Variants in PIGQ observed in about 807,000 individuals in gnomAD.
The protein encoded by PIGQ is phosphatidylinositol glycan anchor biosynthesis class Q, also known as phosphatidylinositol N-acetylglucosaminyltransferase subunit Q.
In PIGQ, 54 loss-of-function variants were observed where a neutral mutation model predicts 60.3. That is an observed-to-expected ratio of 0.90 (90% CI 0.72 to 1.12). PIGQ has a LOEUF of 1.12. Among genes scored for constraint, PIGQ ranks in the 50% most tolerant of loss-of-function variants. PIGQ has a pLI of 0.00. For missense variants in PIGQ, 799 were observed against 793.5 expected, an observed-to-expected ratio of 1.01 and a Z score of -0.08; for synonymous variants, 416 against 363.7, an observed-to-expected ratio of 1.14 and a Z score of -1.64.
intron 6 of PIGQ, 42 bp downstream of exon 6, chr16:578,980 G>A (rs1220207545): frequency 6.3e-7 from 1 of 1,590,008 alleles, no homozygotes; most frequent in Non-Finnish European, 8.6e-7. Flanking sequence ...CCTGGGAGGT[G>A]CAGAGGCTCC....
chr16:572,555 C>T (rs1214755051), intron 1 of PIGQ: 1 of 451,520 alleles, frequency 2.2e-6, no homozygotes, highest in Admixed American at 2.4e-5. Flanking sequence ...TGCTCTGTTC[C>T]CTCGTCCCTA....
chr16:580,705 G>A, intron 8 of PIGQ, 153 bp from the exon 9 acceptor site: 1 of 659,954 alleles, frequency 1.5e-6, no homozygotes, highest in South Asian at 1.7e-5. Flanking sequence ...AAGGCCCAAT[G>A]GCAGACTCCG....
intron 2 of PIGQ, among the ~76,000 whole-genome samples, chr16:575,378 C>T (rs1172272175): frequency 1.3e-5 from 2 of 152,190 alleles, no homozygotes; most frequent in Non-Finnish European, 2.9e-5. Context: ...ATCTGCCTGG[C>T]GGAGGTGCCC....
At chr16:577,947 G>A (rs373853070) in intron 4 of PIGQ, 5 of 165,960 alleles carry the variant, frequency 3.0e-5, no homozygotes, top group South Asian at 1.4e-4. Context: ...CAGCCTCTGC[G>A]ATGGGGTGGG....
At chr16:572,521 C>G (rs902506180) in intron 1 of PIGQ, 6 of 456,086 alleles carry the variant, frequency 1.3e-5, no homozygotes, top group Non-Finnish European at 2.6e-5. Flanking sequence ...ACTTACAGGT[C>G]ACACCACCCC....
At chr16:580,659 G>A in intron 8 of PIGQ, 199 bp from the exon 9 acceptor site, 1 of 602,184 alleles carries the variant, frequency 1.7e-6, no homozygotes, top group Non-Finnish European at 3.0e-6. Flanking sequence ...CCTGGTGAGA[G>A]GGCCGGGTGC....
chr16:582,225 T>A (rs4006748), intron 9 of PIGQ, 23 bp from the exon 10 acceptor site: 5 of 1,563,848 alleles, frequency 3.2e-6, no homozygotes, highest in Non-Finnish European at 4.4e-6. Flanking sequence ...CGTCCCCTCG[T>A]CAGCCGCTTG....
chr16:578,582 C>T, intron 5 of PIGQ, 77 bp downstream of exon 5: 3 of 1,511,354 alleles, frequency 2.0e-6, no homozygotes, highest in Non-Finnish European at 1.8e-6. Context: ...AGACCCCGCC[C>T]CCTGTGCCCC....
Position 583,861 on chromosome 16 carries a change from A to C in PIGQ, c.*826A>C, listed in dbSNP as rs1468055807. Reference sequence around the variant, plus strand: ...CCCCAGGAGTGTGAGTGGCCTGGGGAGGGGGCCGTGGCACTGAGGCCGAAA... The same window carrying C: ...CCCCAGGAGTGTGAGTGGCCTGGGGCGGGGGCCGTGGCACTGAGGCCGAAA... On this transcript the variant is annotated 3_prime_UTR_variant, in exon 11 of 11. Coordinates refer to ENST00000321878, the MANE Select transcript of PIGQ (RefSeq NM_004204.5). 1.3e-5 allele frequency: 8 copies of C among 609,756 alleles called. No individual in the cohort carries two copies. The highest frequency in any genetic ancestry group is 2.4e-5 in the Non-Finnish European group (8 of 337,964). The allele number at this position is 609,756 out of a possible 1,614,324, so 37.8% of individuals were successfully genotyped here.
At position 574,407 on chromosome 16, in the gene PIGQ, C is replaced by T. The variant is rs753882585; in HGVS notation, c.333C>T (p.His111=). Residue 111 remains histidine (H), a synonymous_variant, in exon 2 of 11, where the codon CAC becomes CAT. Transcript: ENST00000321878. ...GGTFWSCEAT[H]RQAPTAPGAP... ...CGTTCTGGAGCTGCGAGGCCACCCACCGGCAAGCGCCCACTGCCCCCGGTG... is the reference window on the plus strand; with the variant it reads ...CGTTCTGGAGCTGCGAGGCCACCCATCGGCAAGCGCCCACTGCCCCCGGTG... 1.2e-6 allele frequency: 2 copies of T among 1,610,650 alleles called. No homozygotes were observed. The highest frequency in any genetic ancestry group is 2.2e-5 in the South Asian group (2 of 90,638).
intron 1 of PIGQ, among the ~76,000 whole-genome samples, chr16:571,203 GGCTAGCC>G: frequency 9.4e-6 from 1 of 106,422 alleles, no homozygotes; most frequent in African/African-American, 3.5e-5. Context: ...GTGTGTGTCT[GGCTAGCC>G]TGTGTGTGTC....
chr16:581,005 G>A (rs1231783007), intron 9 of PIGQ, 33 bp downstream of exon 9: 1 of 1,442,640 alleles, frequency 6.9e-7, no homozygotes, highest in Non-Finnish European at 9.8e-7. Context: ...CTGGCCCTGG[G>A]TAGGTGGAGG....
chr16:578,098 A>C, intron 4 of PIGQ: 1 of 340,714 alleles, frequency 2.9e-6, no homozygotes, highest in South Asian at 4.0e-5. Context: ...AGAGGGGAGG[A>C]AGATGGTAGA....
chr16:577,213 A>G (rs1435312107), intron 4 of PIGQ: 1 of 152,226 alleles, frequency 6.6e-6, no homozygotes, highest in Non-Finnish European at 1.5e-5. Context: ...TATTTAATTT[A>G]AAAATGAAAG....
In PIGQ at chr16:583,568, C is replaced by G. The variant is rs560628088; in HGVS notation, c.*533C>G. 6.2e-7 allele frequency: 1 copy of G among 1,612,598 alleles called. No individual in the cohort carries two copies. Among genetic ancestry groups the G allele is most frequent in the Non-Finnish European group, 8.5e-7 (1 of 1,179,744 alleles). On this transcript the variant is annotated 3_prime_UTR_variant, in exon 11 of 11. Coordinates refer to ENST00000321878, the MANE Select transcript of PIGQ (RefSeq NM_004204.5). ...CGCTGACCCCCGTCCCCAGCGGGCC[C>G]GGGCCCTCACTCCCTGAACCACACG...
At chr16:580,561 G>T in intron 8 of PIGQ, 3 of 553,204 alleles carry the variant, frequency 5.4e-6, no homozygotes, top group Non-Finnish European at 9.7e-6. Context: ...GGCAGACAGT[G>T]GGAGGTGAGC....
At chr16:576,413 C>G (rs2035719810) in intron 4 of PIGQ, 159 bp downstream of exon 4, 6 of 888,034 alleles carry the variant, frequency 6.8e-6, no homozygotes, top group African/African-American at 1.7e-5. Flanking sequence ...AGCAGGAACT[C>G]CAGGGGCGCT....
rs2035693123 is a variant in PIGQ, at chr16:574,771, T to C, written c.689+8T>C. 6.5e-7 allele frequency: 1 copy of C among 1,546,208 alleles called. No individual in the cohort carries two copies. The highest frequency in any genetic ancestry group is 1.4e-5 in the African/African-American group (1 of 73,452). On this transcript the variant is annotated splice_region_variant and intron_variant, in intron 2 of 10. Transcript: ENST00000321878. Reference sequence around the variant, plus strand: ...AGCTGTCAGTGCCTGCCGGTAGGTGTCCCGGGACAGGCAGGTGGCAAAGAG... The same window carrying C: ...AGCTGTCAGTGCCTGCCGGTAGGTGCCCCGGGACAGGCAGGTGGCAAAGAG...
At chr16:576,605 C>T in intron 4 of PIGQ, 1 of 489,086 alleles carries the variant, frequency 2.0e-6, no homozygotes, top group Non-Finnish European at 3.6e-6. Context: ...GGGCCCTCTG[C>T]AGAGCCAGGG....
Sources: allele counts gnomAD v4.1 joint callset (sites outside exome capture counted in the v4.1 genomes callset), GRCh38; gene constraint gnomAD v4.1.1; transcripts MANE v1.5; gene names NCBI Gene and HGNC (gene_info 2026-07-23, HGNC 2026-07-21).